The following ADGRB3 variants were observed in gnomAD, a reference collection of about 807,000 sequenced individuals.
ADGRB3 encodes adhesion G protein-coupled receptor B3, also known as brain-specific angiogenesis inhibitor 3.
A neutral mutation model predicts 193.4 loss-of-function variants in ADGRB3; 37 were observed. That is an observed-to-expected ratio of 0.19 (90% CI 0.15 to 0.25). The LOEUF is 0.25. ADGRB3 is among the 10% of genes least tolerant of loss of function. The pLI is 1.00. For missense variants in ADGRB3, 1,637 were observed against 1,852.9 expected (o/e 0.88, Z 2.14); for synonymous variants, 690 against 644.2 (o/e 1.07, Z -1.08).
intron 11 of ADGRB3, among the ~76,000 whole-genome samples, chr6:69,009,023 T>C (rs1331299421): frequency 6.7e-6 from 1 of 148,616 alleles, no homozygotes. Context: ...TTTATTGTTT[T>C]CTATTAAAAA....
intron 17 of ADGRB3, among the ~76,000 whole-genome samples, chr6:69,108,997 A>G (rs1422142812): frequency 6.6e-6 from 1 of 152,188 alleles, no homozygotes; most frequent in African/African-American, 2.4e-5. Flanking sequence ...GGCTGCACCA[A>G]CACCCTACTA....
At chr6:68,989,130 A>T (rs1272327352) in intron 10 of ADGRB3, among the ~76,000 whole-genome samples, 1 of 152,212 alleles carries the variant, frequency 6.6e-6, no homozygotes, top group Non-Finnish European at 1.5e-5. Flanking sequence ...TATAAATATC[A>T]TGAAGCAAAA....
chr6:68,706,356 T>C (rs1275427884), intron 3 of ADGRB3, among the ~76,000 whole-genome samples: 4 of 152,114 alleles, frequency 2.6e-5, no homozygotes, highest in African/African-American at 4.8e-5. Flanking sequence ...ATAAAAGATA[T>C]GGTGATGTGA....
At chr6:69,270,909 T>G (rs994356789) in intron 20 of ADGRB3, among the ~76,000 whole-genome samples, 1 of 152,216 alleles carries the variant, frequency 6.6e-6, no homozygotes, top group Non-Finnish European at 1.5e-5. Flanking sequence ...AAAACTTATA[T>G]AGAATAAGCA....
chr6:69,315,248 A>G (rs1444609233), intron 20 of ADGRB3, among the ~76,000 whole-genome samples: 1 of 151,602 alleles, frequency 6.6e-6, no homozygotes, highest in East Asian at 1.9e-4. Context: ...TTATTTGCTG[A>G]GTGTATAACT....
chr6:68,720,413 G>A (rs1309555817), intron 3 of ADGRB3, among the ~76,000 whole-genome samples: 1 of 151,496 alleles, frequency 6.6e-6, no homozygotes, highest in Non-Finnish European at 1.5e-5. Flanking sequence ...ACTAACCTTG[G>A]GCTTTTTAAT....
chr6:69,233,005 C>T lies in ADGRB3; in HGVS notation c.2481-285C>T, dbSNP rs569409995. On this transcript the variant is annotated intron_variant, in intron 17 of 31. Transcript: ENST00000370598. ...GCTCGTGCTGCCGCCGCTGCCGCTG[C>T]TGTTCCTCGCATAGGGCTGGACAGA... 16 of 450,266 alleles carry T rather than the reference C, an allele frequency of 3.6e-5. No homozygotes were observed. The South Asian group carries it at 4.6e-4, about 13-fold the overall frequency. The allele number at this position is 450,266 out of a possible 1,614,324, so 27.9% of individuals were successfully genotyped here.
chr6:69,038,607 G>A (rs567542938), intron 13 of ADGRB3, among the ~76,000 whole-genome samples: 23 of 152,132 alleles, frequency 1.5e-4, no homozygotes, highest in Non-Finnish European at 2.6e-4. Flanking sequence ...GTGTAAAGAA[G>A]ATGAACATTT....
chr6:68,807,246 T>TC (rs1767421680), intron 3 of ADGRB3, among the ~76,000 whole-genome samples: 1 of 142,320 alleles, frequency 7.0e-6, no homozygotes, highest in African/African-American at 2.6e-5. Flanking sequence ...TTTTTTTTTT[T>TC]TTTTTTTTTG....
At chr6:69,201,505 G>A (rs1421701724) in intron 17 of ADGRB3, among the ~76,000 whole-genome samples, 1 of 150,526 alleles carries the variant, frequency 6.6e-6, no homozygotes, top group Non-Finnish European at 1.5e-5. Flanking sequence ...TGATTGTTTT[G>A]TTTCCTAACT....
chr6:69,145,868 A>G (rs796420262), intron 17 of ADGRB3, among the ~76,000 whole-genome samples: 2 of 151,646 alleles, frequency 1.3e-5, no homozygotes, highest in Admixed American at 6.6e-5. Flanking sequence ...GTTCATCCCG[A>G]CCTCTCTTCA....
intron 3 of ADGRB3, among the ~76,000 whole-genome samples, chr6:68,737,940 C>T (rs560991291): frequency 3.9e-5 from 6 of 152,120 alleles, no homozygotes; most frequent in African/African-American, 1.2e-4. Context: ...TCAATTAAAT[C>T]TATGCGTATA....
At chr6:68,940,208 G>A (rs915654845) in intron 5 of ADGRB3, among the ~76,000 whole-genome samples, 1 of 152,104 alleles carries the variant, frequency 6.6e-6, no homozygotes, top group Non-Finnish European at 1.5e-5. Context: ...AAAATAGAGC[G>A]CTACTTTCAA....
chr6:69,063,332 A>G (rs192171779), intron 16 of ADGRB3, among the ~76,000 whole-genome samples: 312 of 152,166 alleles, frequency 2.1e-3, no homozygotes, highest in Non-Finnish European at 3.0e-3. Context: ...TAGTTAATAA[A>G]TCATTTATCA....
intron 17 of ADGRB3, among the ~76,000 whole-genome samples, chr6:69,183,092 GT>G (rs1311127897): frequency 6.6e-6 from 1 of 152,024 alleles, no homozygotes; most frequent in African/African-American, 2.4e-5. Flanking sequence ...TTATAGGACA[GT>G]TTAATTCCCT....
At chr6:69,382,701 C>T in intron 30 of ADGRB3, 130 bp from the exon 31 acceptor site, 1 of 520,376 alleles carries the variant, frequency 1.9e-6, no homozygotes, top group Admixed American at 4.0e-5. Flanking sequence ...TGCATTTGTG[C>T]ATCTTATAGG....
intron 3 of ADGRB3, among the ~76,000 whole-genome samples, chr6:68,644,749 T>G (rs1768162550): frequency 6.6e-6 from 1 of 152,180 alleles, no homozygotes; most frequent in African/African-American, 2.4e-5. Context: ...TATGTAGCAA[T>G]TAAAGAAAGA....
At chr6:69,054,717 A>T (rs558399910) in intron 15 of ADGRB3, among the ~76,000 whole-genome samples, 1 of 152,306 alleles carries the variant, frequency 6.6e-6, no homozygotes, top group Admixed American at 6.5e-5. Flanking sequence ...ATCTCTGATC[A>T]CTTGGCATTT....
At chr6:68,770,523 A>G (rs559109296) in intron 3 of ADGRB3, among the ~76,000 whole-genome samples, 3 of 152,146 alleles carry the variant, frequency 2.0e-5, no homozygotes, top group Admixed American at 6.6e-5. Context: ...CTCCTCATTC[A>G]GAGATTCTGT....
Sources: gnomAD v4.1 joint callset for allele counts (sites outside exome capture counted in the v4.1 genomes callset) on GRCh38, gnomAD v4.1.1 for gene constraint, MANE v1.5 for transcripts, NCBI Gene and HGNC (gene_info 2026-07-23, HGNC 2026-07-21) for gene names.